Variants in POLR3B observed in about 807,000 individuals in gnomAD.
POLR3B encodes the protein RNA polymerase III subunit B.
In POLR3B, 96 loss-of-function variants were observed where a neutral mutation model predicts 147.4. That is an observed-to-expected ratio of 0.65 (90% CI 0.55 to 0.77). The LOEUF (loss-of-function observed/expected upper bound fraction) is 0.77, where lower values mean the gene tolerates loss of function less well. Among genes scored for constraint, POLR3B ranks in the 30% least tolerant of loss-of-function variants. The pLI is 0.00. For missense variants in POLR3B, 1,036 were observed against 1,413.5 expected (o/e 0.73, Z 4.28); for synonymous variants, 461 against 485.9 (o/e 0.95, Z 0.67).
rs1452300808 is a variant in POLR3B at position 106,509,856 on chromosome 12, A to G, written c.*307A>G. On this transcript the variant is annotated 3_prime_UTR_variant, in exon 28 of 28. Coordinates refer to ENST00000228347, the MANE Select transcript of POLR3B (RefSeq NM_018082.6). The stretch of plus-strand genomic sequence containing the variant: ...TGTGCTGATCTCTTGACATTCACTC[A>G]TTAGAAGACCTTACTCCTTCAAGCA... 1 of 307,190 alleles carries G rather than the reference A, an allele frequency of 3.3e-6. No homozygotes were observed. The highest frequency in any genetic ancestry group is 2.2e-5 in the African/African-American group (1 of 46,472). 19.0% of individuals were successfully genotyped at this position (307,190 alleles called of 1,614,324 possible). A position where few individuals can be genotyped will look rare whatever the true frequency, so the allele number is the denominator to read the frequency against.
chr12:106,475,622 G>T lies in POLR3B; in HGVS notation c.2713+12002G>T, dbSNP rs967670416. Among the ~76,000 whole-genome samples, 29 of 136,100 alleles carry T rather than the reference G, an allele frequency of 2.1e-4. 1 individual carries two copies. In the South Asian group the frequency reaches 6.7e-3, roughly 31 times the overall value. The allele number at this position is 136,100 out of a possible 152,430, so 89.3% of individuals were successfully genotyped here. ...ATTGATCCCTTTACCATTATGTAAT[G>T]GCCTTCTTTGTCTCTTTTGATCTTT... On this transcript the variant is annotated intron_variant, in intron 23 of 27. Coordinates refer to ENST00000228347, the MANE Select transcript of POLR3B (RefSeq NM_018082.6).
chr12:106,499,241 C>CAA (rs2038555311), intron 25 of POLR3B, among the ~76,000 whole-genome samples: 3 of 152,076 alleles, frequency 2.0e-5, no homozygotes, highest in Admixed American at 2.0e-4. Context: ...ACATTTTTGG[C>CAA]CAGGTGTTGA....
At chr12:106,449,201 C>T (rs757930477) in intron 19 of POLR3B, among the ~76,000 whole-genome samples, 2 of 152,122 alleles carry the variant, frequency 1.3e-5, no homozygotes, top group Non-Finnish European at 2.9e-5. Flanking sequence ...GTAATTTATA[C>T]GATATTTTTA....
Position 106,505,718 on chromosome 12 carries a change from TC to T in POLR3B, c.3272+1468del, listed in dbSNP as rs376047623. On this transcript the variant is annotated intron_variant, in intron 27 of 27. Coordinates refer to ENST00000228347, the MANE Select transcript of POLR3B (RefSeq NM_018082.6). The stretch of plus-strand genomic sequence containing the variant: ...GTGCCTTTTCTCTAGATAGGGGCCA[TC>T]CCCAAGATAGAGTTAGGCCCAAATA... Among the ~76,000 whole-genome samples, 160 of 152,282 alleles carry T rather than the reference TC, an allele frequency of 1.1e-3. 4 individuals are homozygous for T. In the East Asian group the frequency reaches 0.017, roughly 17 times the overall value.
intron 23 of POLR3B, among the ~76,000 whole-genome samples, chr12:106,478,708 AT>A (rs2038218076): frequency 6.6e-6 from 1 of 152,070 alleles, no homozygotes; most frequent in African/African-American, 2.4e-5. Context: ...ACTGGACATA[AT>A]TTTTATTTCT....
At chr12:106,470,093 A>G (rs1277618133) in intron 23 of POLR3B, among the ~76,000 whole-genome samples, 3 of 152,048 alleles carry the variant, frequency 2.0e-5, no homozygotes, top group African/African-American at 7.2e-5. Flanking sequence ...ACATCAATCA[A>G]ACGTAGATTT....
Position 106,357,787 on chromosome 12 carries a change from C to A in POLR3B, c.-93C>A. ...CGCACGGCGGGGACAGTTTAGGCCT[C>A]CGCGCACCGTTCGCCGGGAGTCTTG... is the stretch of plus-strand genomic sequence containing the variant. On this transcript the variant is annotated 5_prime_UTR_variant, in exon 1 of 28. Transcript: ENST00000228347. 7.7e-7 allele frequency: 1 copy of A among 1,297,842 alleles called. No homozygotes were observed. The highest frequency in any genetic ancestry group is 1.1e-6 in the Non-Finnish European group (1 of 916,222). The allele number at this position is 1,297,842 out of a possible 1,614,324, so 80.4% of individuals were successfully genotyped here. A position where few individuals can be genotyped will look rare whatever the true frequency, so the allele number is the denominator to read the frequency against.
At chr12:106,373,443 A>C (rs1312014069) in intron 6 of POLR3B, among the ~76,000 whole-genome samples, 1 of 152,164 alleles carries the variant, frequency 6.6e-6, no homozygotes, top group Non-Finnish European at 1.5e-5. Flanking sequence ...ATCATTAAAA[A>C]AATTATTGTC....
intron 11 of POLR3B, among the ~76,000 whole-genome samples, chr12:106,407,752 C>T (rs2037168768): frequency 1.3e-5 from 2 of 151,976 alleles, no homozygotes; most frequent in African/African-American, 4.8e-5. Flanking sequence ...TCGCTTGAAA[C>T]TGGGAGGCGG....
intron 16 of POLR3B, among the ~76,000 whole-genome samples, chr12:106,436,511 C>T (rs1456109436): frequency 6.6e-6 from 1 of 152,212 alleles, no homozygotes; most frequent in Non-Finnish European, 1.5e-5. Flanking sequence ...GCTAACCTAG[C>T]TCAGTGATGT....
intron 23 of POLR3B, among the ~76,000 whole-genome samples, chr12:106,469,901 C>T (rs1166939948): frequency 6.6e-6 from 1 of 152,172 alleles, no homozygotes; most frequent in Non-Finnish European, 1.5e-5. Flanking sequence ...GTCATTTCAA[C>T]CTTGGTGAAT....
chr12:106,393,304 A>C (rs761916482), intron 10 of POLR3B, 151 bp downstream of exon 10: 17 of 1,201,132 alleles, frequency 1.4e-5, no homozygotes, highest in Non-Finnish European at 1.8e-5. Context: ...TCTTTAACTC[A>C]CTTTCGTCAG....
chr12:106,507,563 G>A (rs559357751), intron 27 of POLR3B: 4 of 256,598 alleles, frequency 1.6e-5, no homozygotes, highest in East Asian at 1.2e-4. Flanking sequence ...CATTAAAAAC[G>A]TAATTTTTGA....
chr12:106,504,399 A>G lies in POLR3B; in HGVS notation c.3272+145A>G. The stretch of plus-strand genomic sequence containing the variant: ...CCTCCCTCATGCATGTATTCCTGTC[A>G]TTGGGGATACTCTGTGTACATGTCT... On this transcript the variant is annotated intron_variant, in intron 27 of 27. Transcript: ENST00000228347. The surrounding 1 kb of genome is among the most constrained non-coding windows in gnomAD (Gnocchi z 4.6). 1 of 737,270 alleles carries G rather than the reference A, an allele frequency of 1.4e-6. No homozygotes were observed. The highest frequency in any genetic ancestry group is 2.5e-6 in the Non-Finnish European group (1 of 407,718). The allele number at this position is 737,270 out of a possible 1,614,324, so 45.7% of individuals were successfully genotyped here. A position where few individuals can be genotyped will look rare whatever the true frequency, so the allele number is the denominator to read the frequency against.
intron 19 of POLR3B, among the ~76,000 whole-genome samples, chr12:106,450,873 A>G (rs546698761): frequency 6.6e-6 from 1 of 152,348 alleles, no homozygotes; most frequent in Admixed American, 6.5e-5. Context: ...ATGAAAAAAC[A>G]TACAAAGACT....
intron 12 of POLR3B, among the ~76,000 whole-genome samples, chr12:106,416,275 T>C (rs777919865): frequency 6.6e-6 from 1 of 152,234 alleles, no homozygotes; most frequent in African/African-American, 2.4e-5. Context: ...TTTGTGTATG[T>C]GCTTTTTAGT....
At chr12:106,376,045 C>T (rs1174316223) in intron 6 of POLR3B, among the ~76,000 whole-genome samples, 1 of 152,120 alleles carries the variant, frequency 6.6e-6, no homozygotes, top group African/African-American at 2.4e-5. Context: ...GGAGTTCCAC[C>T]ATGTTGGCCA....
chr12:106,492,079 T>C (rs2038414051), intron 23 of POLR3B, among the ~76,000 whole-genome samples: 3 of 152,236 alleles, frequency 2.0e-5, no homozygotes, highest in South Asian at 4.1e-4. Context: ...ACAGTTGTCT[T>C]CTGCAGTTGC....
chr12:106,444,595 G>A lies in POLR3B; in HGVS notation c.2083+5G>A. 1 of 1,613,310 alleles carries A rather than the reference G, an allele frequency of 6.2e-7. No individual in the cohort carries two copies. Among genetic ancestry groups the A allele is most frequent in the Non-Finnish European group, 8.5e-7 (1 of 1,179,750 alleles). Reference sequence around the variant, plus strand: ...CCATGGGGAAACAAGCCATGGGTAAGATTTCCTTCTTGAAAGTTGGTTCTA... The same window carrying A: ...CCATGGGGAAACAAGCCATGGGTAAAATTTCCTTCTTGAAAGTTGGTTCTA... On this transcript the variant is annotated splice_donor_5th_base_variant and intron_variant, in intron 19 of 27. Transcript: ENST00000228347.
Sources: gnomAD v4.1 joint callset for allele counts (sites outside exome capture counted in the v4.1 genomes callset) on GRCh38, gnomAD v4.1.1 for gene constraint, Gnocchi (gnomAD v3.1) non-coding constraint, MANE v1.5 for transcripts, NCBI Gene and HGNC (gene_info 2026-07-23, HGNC 2026-07-21) for gene names.